Variants in FBXO31 observed in about 807,000 individuals in gnomAD.
FBXO31 encodes F-box only protein 31.
Under a neutral mutation model 54.4 loss-of-function variants are expected in FBXO31, and 24 were observed. The ratio of observed to expected loss-of-function variants is 0.44; its 90% confidence interval spans 0.32 to 0.62. The LOEUF (loss-of-function observed/expected upper bound fraction) is 0.62, where lower values mean the gene tolerates loss of function less well. Ranked by LOEUF, FBXO31 falls within the 20% of genes least tolerant of loss-of-function variation. The probability of loss-of-function intolerance (pLI) is 0.05; values close to 1 mark genes in which losing one functional copy is unlikely to be tolerated. For synonymous variants in FBXO31, 388 were observed against 335.6 expected (o/e 1.16, Z -1.71); for missense variants, 665 against 787.1 (o/e 0.84, Z 1.86).
rs575461201 is a variant in FBXO31, at chr16:87,329,651, A to G, written c.*1637T>C. On this transcript the variant is annotated 3_prime_UTR_variant, in exon 9 of 9. Coordinates refer to ENST00000311635, the MANE Select transcript of FBXO31 (RefSeq NM_024735.5). ...AGGCTAATGCTGCAAAAGCCGCTAGAAACTGGGGCCACACACAAGAGCCAG... is the reference window on the plus strand; with the variant it reads ...AGGCTAATGCTGCAAAAGCCGCTAGGAACTGGGGCCACACACAAGAGCCAG... 1 of 152,392 alleles carries G rather than the reference A, an allele frequency of 6.6e-6. No homozygotes were observed. Among genetic ancestry groups the G allele is most frequent in the South Asian group, 2.1e-4 (1 of 4,832 alleles). 9.4% of individuals were successfully genotyped at this position (152,392 alleles called of 1,614,324 possible). A position where few individuals can be genotyped will look rare whatever the true frequency, so the allele number is the denominator to read the frequency against.
intron 1 of FBXO31, among the ~76,000 whole-genome samples, chr16:87,374,723 T>A (rs1906748579): frequency 1.3e-5 from 2 of 152,242 alleles, no homozygotes; most frequent in South Asian, 4.1e-4. Context: ...GGGACCATGC[T>A]GGCTAGTGTG....
chr16:87,347,486 C>CT (rs1905442593), intron 2 of FBXO31, among the ~76,000 whole-genome samples: 1 of 152,198 alleles, frequency 6.6e-6, no homozygotes, highest in South Asian at 2.1e-4. Context: ...TCAGACCATC[C>CT]TGGCTAACAC....
At chr16:87,387,261 G>C (rs1204907473), upstream of FBXO31, among the ~76,000 whole-genome samples, 1 of 152,104 alleles carries the variant, frequency 6.6e-6, no homozygotes, top group African/African-American at 2.4e-5. Context: ...AGCTGAATAC[G>C]TCCTTGGAAC....
chr16:87,383,295 CAA>C lies in FBXO31; in HGVS notation c.340+108_340+109del. The C allele has an allele frequency of 9.6e-7, 1 of 1,044,456 alleles. No homozygotes were observed. The allele number at this position is 1,044,456 out of a possible 1,614,324, so 64.7% of individuals were successfully genotyped here. A position where few individuals can be genotyped will look rare whatever the true frequency, so the allele number is the denominator to read the frequency against. ...ACACCACATCGCCGGGCCCCGCGCC[CAA>C]CTGGTGGCCCCCGGCCGGGGCCACC... On this transcript the variant is annotated intron_variant, in intron 1 of 8. Coordinates refer to ENST00000311635, the MANE Select transcript of FBXO31 (RefSeq NM_024735.5). The surrounding 1 kb of genome is among the most constrained non-coding windows in gnomAD (Gnocchi z 4.9).
At chr16:87,364,000 G>C (rs1489931828) in intron 1 of FBXO31, among the ~76,000 whole-genome samples, 1 of 152,220 alleles carries the variant, frequency 6.6e-6, no homozygotes, top group Non-Finnish European at 1.5e-5. Flanking sequence ...CTGATGCAGA[G>C]CAAGGACGGG....
intron 5 of FBXO31, among the ~76,000 whole-genome samples, chr16:87,337,896 G>A (rs910349569): frequency 6.6e-6 from 1 of 151,634 alleles, no homozygotes; most frequent in African/African-American, 2.4e-5. Flanking sequence ...GACTTTTTTA[G>A]GATTCAGAAA....
intron 2 of FBXO31, among the ~76,000 whole-genome samples, chr16:87,347,680 C>CAA (rs34496343): frequency 0.023 from 1,378 of 58,890 alleles, 48 homozygotes; most frequent in African/African-American, 0.085. Flanking sequence ...ACTCAGTCTC[C>CAA]AAAAAAAAAA....
At chr16:87,362,036 G>T (rs1057434736) in intron 1 of FBXO31, among the ~76,000 whole-genome samples, 1 of 152,216 alleles carries the variant, frequency 6.6e-6, no homozygotes, top group African/African-American at 2.4e-5. Context: ...ACCCAGCGAG[G>T]AGACGCATTT....
chr16:87,374,899 C>T (rs547504719), intron 1 of FBXO31, among the ~76,000 whole-genome samples: 4 of 152,206 alleles, frequency 2.6e-5, no homozygotes, highest in Non-Finnish European at 5.9e-5. Context: ...ATGAACAGTG[C>T]CGACTGGGCG....
chr16:87,341,604 C>A (rs1230842018), intron 5 of FBXO31, among the ~76,000 whole-genome samples: 1 of 131,172 alleles, frequency 7.6e-6, no homozygotes, highest in Non-Finnish European at 1.5e-5. Context: ...TGCAGTGAGC[C>A]AAGATCACGT....
chr16:87,379,824 G>A (rs1200390473), intron 1 of FBXO31, among the ~76,000 whole-genome samples: 2 of 151,812 alleles, frequency 1.3e-5, no homozygotes, highest in Non-Finnish European at 2.9e-5. Flanking sequence ...CTGATCTCGG[G>A]TGATCTGCCC....
chr16:87,355,440 T>G (rs1308614064), intron 2 of FBXO31, among the ~76,000 whole-genome samples: 1 of 152,180 alleles, frequency 6.6e-6, no homozygotes, highest in Non-Finnish European at 1.5e-5. Flanking sequence ...CAGGCATAGG[T>G]TGAGGCTGTT....
upstream of FBXO31, chr16:87,384,135 G>T (rs35101329): frequency 1.3e-5 from 2 of 154,490 alleles, no homozygotes; most frequent in African/African-American, 4.8e-5. Context: ...TGTGGAGATA[G>T]GGGTCGCCCC....
chr16:87,384,025 C>G (rs886344378), upstream of FBXO31: 2 of 194,294 alleles, frequency 1.0e-5, no homozygotes, highest in African/African-American at 2.3e-5. Flanking sequence ...GTTAGACTGC[C>G]CCGTGTGAGG....
rs189571267 is a variant in FBXO31, at chr16:87,338,005, A to C, written c.733-1741T>G. ...AGGAAAGGCTCTTTAAATAACAGAT[A>C]GAAACAAAAGTAACTGAATGTAATG... On this transcript the variant is annotated intron_variant, in intron 5 of 8. Transcript: ENST00000311635. The surrounding 1 kb of genome is among the most constrained non-coding windows in gnomAD (Gnocchi z 4.3). Among the ~76,000 whole-genome samples, 1 of 152,236 alleles carries C rather than the reference A, an allele frequency of 6.6e-6. No individual in the cohort carries two copies. The highest frequency in any genetic ancestry group is 1.5e-5 in the Non-Finnish European group (1 of 68,036).
chr16:87,373,207 T>A (rs1199476709), intron 1 of FBXO31, among the ~76,000 whole-genome samples: 1 of 151,714 alleles, frequency 6.6e-6, no homozygotes, highest in Non-Finnish European at 1.5e-5. Flanking sequence ...ATCCCAGCAC[T>A]TTGGGAGGCC....
At chr16:87,376,723 C>T (rs1030721324) in intron 1 of FBXO31, among the ~76,000 whole-genome samples, 20 of 152,232 alleles carry the variant, frequency 1.3e-4, no homozygotes, top group African/African-American at 4.8e-4. Flanking sequence ...ACCCTTATAC[C>T]TCTGCCAGGA....
intron 7 of FBXO31, 114 bp from the exon 8 acceptor site, chr16:87,334,400 C>T: frequency 1.0e-6 from 1 of 965,484 alleles, no homozygotes; most frequent in Non-Finnish European, 1.5e-6. Context: ...AGCCCTCCTA[C>T]TGACTTAGCA....
intron 2 of FBXO31, among the ~76,000 whole-genome samples, chr16:87,359,740 G>A (rs1400526968): frequency 6.6e-6 from 1 of 152,280 alleles, no homozygotes; most frequent in South Asian, 2.1e-4. Context: ...AAACACCCGC[G>A]GGAAGACAGC....
Sources: gnomAD v4.1 joint callset for allele counts (sites outside exome capture counted in the v4.1 genomes callset) on GRCh38, gnomAD v4.1.1 for gene constraint, Gnocchi (gnomAD v3.1) non-coding constraint, MANE v1.5 for transcripts, NCBI Gene and HGNC (gene_info 2026-07-23, HGNC 2026-07-21) for gene names.